AFDN: variants seen among roughly 807,000 people sequenced by gnomAD.
AFDN encodes afadin, adherens junction formation factor.
AFDN carries 68 observed loss-of-function variants against 216.6 expected under a neutral mutation model. The observed-to-expected ratio is 0.31, with a 90% CI of 0.26 to 0.38. The LOEUF (loss-of-function observed/expected upper bound fraction) is 0.38. AFDN is among the 10% of genes least tolerant of loss of function. AFDN has a pLI of 1.00. For synonymous variants in AFDN, 868 were observed against 853.7 expected (o/e 1.02, Z -0.29); for missense variants, 2,136 against 2,342.0 (o/e 0.91, Z 1.82).
At chr6:167,870,334 T>A in intron 2 of AFDN, 52 bp from the exon 3 acceptor site, 1 of 1,149,414 alleles carries the variant, frequency 8.7e-7, no homozygotes, top group South Asian at 1.5e-5. Context: ...ATTAGCTAGT[T>A]CTATGAAATA....
chr6:167,960,111 G>A (rs1796893984), intron 30 of AFDN, among the ~76,000 whole-genome samples: 1 of 152,204 alleles, frequency 6.6e-6, no homozygotes, highest in East Asian at 1.9e-4. Context: ...AGTAAATTAA[G>A]AGATTCTCGT....
At chr6:167,921,293 T>TCC (rs1791762642) in intron 21 of AFDN, among the ~76,000 whole-genome samples, 4 of 152,340 alleles carry the variant, frequency 2.6e-5, no homozygotes, top group Admixed American at 2.6e-4. Flanking sequence ...CCATAAGCTC[T>TCC]CTTAAATGAT....
Position 167,864,932 on chromosome 6 carries a change from C to T in AFDN, c.301+186C>T, listed in dbSNP as rs141507508. On this transcript the variant is annotated intron_variant, in intron 2 of 33. Coordinates refer to ENST00000683244, the MANE Select transcript of AFDN (RefSeq NM_001386888.1). ...TGTCTGGGAAGTGTTCTTATAAATC[C>T]CTGGCACATATATCTGTTGGAAGTT... 14 of 764,972 alleles carry T rather than the reference C, an allele frequency of 1.8e-5. No individual in the cohort carries two copies. The East Asian group carries it at 3.4e-4, about 19-fold the overall frequency. 47.4% of individuals were successfully genotyped at this position (764,972 alleles called of 1,614,324 possible).
chr6:167,953,525 A>G (rs1796212058), intron 30 of AFDN, among the ~76,000 whole-genome samples: 1 of 152,196 alleles, frequency 6.6e-6, no homozygotes, highest in South Asian at 2.1e-4. Flanking sequence ...GTGAATTATT[A>G]CATTGTTTTA....
chr6:167,962,820 T>C lies in AFDN; in HGVS notation c.4968+253T>C, dbSNP rs1797172987. 2 of 1,324,084 alleles carry C rather than the reference T, an allele frequency of 1.5e-6. No individual in the cohort carries two copies. The highest frequency in any genetic ancestry group is 2.9e-5 in the African/African-American group (2 of 68,534). The allele number at this position is 1,324,084 out of a possible 1,614,324, so 82.0% of individuals were successfully genotyped here. A position where few individuals can be genotyped will look rare whatever the true frequency, so the allele number is the denominator to read the frequency against. ...TCAAACTTCTGAACTCTTGGGCGTG[T>C]GTAGCAGTGAGCCTCTTTGCAAAGG... On this transcript the variant is annotated intron_variant, in intron 31 of 33. Coordinates refer to ENST00000683244, the MANE Select transcript of AFDN (RefSeq NM_001386888.1). The surrounding 1 kb of genome is among the most constrained non-coding windows in gnomAD (Gnocchi z 5.2).
At chr6:167,854,227 G>A (rs1351936944) in intron 1 of AFDN, among the ~76,000 whole-genome samples, 5 of 151,848 alleles carry the variant, frequency 3.3e-5, no homozygotes, top group Non-Finnish European at 5.9e-5. Context: ...TTTAAGGGCC[G>A]ATTCACTACT....
At chr6:167,966,778 G>T (rs1797609347) in intron 32 of AFDN, among the ~76,000 whole-genome samples, 1 of 152,202 alleles carries the variant, frequency 6.6e-6, no homozygotes, top group South Asian at 2.1e-4. Context: ...GGTTGGTGTG[G>T]CCGGAGCATC....
chr6:167,969,290 C>A (rs556755638), intron 33 of AFDN, 92 bp downstream of exon 33: 164 of 945,116 alleles, frequency 1.7e-4, no homozygotes, highest in Non-Finnish European at 2.7e-4. Flanking sequence ...AAACAGACTT[C>A]ATGGCTTCAC....
intron 24 of AFDN, 56 bp from the exon 25 acceptor site, chr6:167,943,346 C>T (rs1794914790): frequency 6.5e-7 from 1 of 1,542,788 alleles, no homozygotes; most frequent in Non-Finnish European, 9.0e-7. Flanking sequence ...TTTTCTTCCT[C>T]CCGCTCTCTT....
intron 23 of AFDN, among the ~76,000 whole-genome samples, chr6:167,926,028 T>TA (rs903114382): frequency 6.6e-6 from 1 of 152,274 alleles, no homozygotes; most frequent in African/African-American, 2.4e-5. Context: ...CCTTCTGAAT[T>TA]ACACAGTTAA....
At chr6:167,911,857 G>A (rs897014674) in intron 15 of AFDN, 2 of 279,320 alleles carry the variant, frequency 7.2e-6, no homozygotes, top group African/African-American at 4.4e-5. Context: ...TGCATTCACA[G>A]TGTTGTGCAG....
At chr6:167,937,495 G>GC (rs754963147) in intron 23 of AFDN, among the ~76,000 whole-genome samples, 2 of 152,072 alleles carry the variant, frequency 1.3e-5, no homozygotes, top group Non-Finnish European at 2.9e-5. Context: ...CAGTCCTCCC[G>GC]CCACAGCCTC....
chr6:167,924,770 G>A (rs758108951), intron 22 of AFDN, among the ~76,000 whole-genome samples: 3 of 152,140 alleles, frequency 2.0e-5, no homozygotes, highest in Admixed American at 6.5e-5. Context: ...AATTTAAATA[G>A]CATTTGTGAC....
intron 6 of AFDN, among the ~76,000 whole-genome samples, chr6:167,885,755 C>T (rs373507548): frequency 5.9e-5 from 9 of 152,340 alleles, no homozygotes; most frequent in African/African-American, 1.4e-4. Flanking sequence ...GCAGGCTTGC[C>T]GCAAACCTTC....
chr6:167,864,410 C>A, intron 1 of AFDN, 141 bp from the exon 2 acceptor site: 1 of 843,986 alleles, frequency 1.2e-6, no homozygotes, highest in African/African-American at 1.7e-5. Context: ...GACTAAAAAC[C>A]CATCTCTCTA....
intron 30 of AFDN, among the ~76,000 whole-genome samples, chr6:167,959,869 G>C (rs1271341435): frequency 6.6e-6 from 1 of 152,122 alleles, no homozygotes; most frequent in African/African-American, 2.4e-5. Context: ...GATTCATCGG[G>C]TAATAGTTAT....
intron 30 of AFDN, 127 bp downstream of exon 30, chr6:167,952,314 T>G (rs762175577): frequency 2.6e-6 from 4 of 1,537,622 alleles, no homozygotes; most frequent in South Asian, 1.3e-5. Context: ...CTTATACTGT[T>G]TTATTGTATG....
intron 22 of AFDN, 118 bp downstream of exon 22, chr6:167,923,077 G>T (rs1792034591): frequency 2.9e-5 from 18 of 620,812 alleles, no homozygotes; most frequent in East Asian, 2.8e-4. Flanking sequence ...TAAAATCGCT[G>T]TTAAATACTG....
chr6:167,964,255 G>T (rs1000550262), intron 31 of AFDN: 2 of 1,063,922 alleles, frequency 1.9e-6, no homozygotes, highest in African/African-American at 3.3e-5. Context: ...AGAAAAATGT[G>T]CCATTCATTT....
Sources: gnomAD v4.1 joint callset for allele counts (sites outside exome capture counted in the v4.1 genomes callset) on GRCh38, gnomAD v4.1.1 for gene constraint, Gnocchi (gnomAD v3.1) non-coding constraint, MANE v1.5 for transcripts, NCBI Gene and HGNC (gene_info 2026-07-23, HGNC 2026-07-21) for gene names.